The following SRGAP1 variants were observed in gnomAD, a reference collection of about 807,000 sequenced individuals.
SRGAP1 encodes SLIT-ROBO Rho GTPase-activating protein 1.
SRGAP1 carries 43 observed loss-of-function variants against 121.9 expected under a neutral mutation model. The ratio of observed to expected loss-of-function variants is 0.35; its 90% CI spans 0.28 to 0.46. SRGAP1 has a LOEUF of 0.46. SRGAP1 is among the 20% of genes least tolerant of loss of function. SRGAP1 has a pLI of 1.00. For missense variants in SRGAP1, 1,102 were observed against 1,350.9 expected, an observed-to-expected ratio of 0.82 and a Z score of 2.89; for synonymous variants, 447 against 485.4, an observed-to-expected ratio of 0.92 and a Z score of 1.04.
chr12:64,109,384 C>T (rs953233861), intron 16 of SRGAP1, among the ~76,000 whole-genome samples: 2 of 152,064 alleles, frequency 1.3e-5, no homozygotes, highest in African/African-American at 4.8e-5. Context: ...ACTGGCTGTT[C>T]ATTGCGGAAA....
chr12:63,944,694 A>G (rs2031985069), intron 1 of SRGAP1, among the ~76,000 whole-genome samples: 1 of 152,234 alleles, frequency 6.6e-6, no homozygotes, highest in African/African-American at 2.4e-5. Flanking sequence ...GCCACTGGAC[A>G]TACAGCTGAG....
intron 1 of SRGAP1, among the ~76,000 whole-genome samples, chr12:63,882,438 C>T (rs181390806): frequency 5.9e-5 from 9 of 152,152 alleles, no homozygotes; most frequent in East Asian, 1.9e-4. Context: ...ACCGCAACCA[C>T]GCCTGGCTAA....
At chr12:64,066,640 T>C (rs1182911571) in intron 8 of SRGAP1, among the ~76,000 whole-genome samples, 3 of 152,194 alleles carry the variant, frequency 2.0e-5, no homozygotes, top group Non-Finnish European at 4.4e-5. Flanking sequence ...TCAAAACCCA[T>C]TGTAATTTTT....
intron 1 of SRGAP1, among the ~76,000 whole-genome samples, chr12:63,876,016 G>A (rs1279575305): frequency 1.3e-5 from 2 of 152,200 alleles, no homozygotes. Context: ...TAACTTAAAT[G>A]TAGCAGAGGA....
chr12:64,142,871 TG>T lies in SRGAP1; in HGVS notation c.*201del. ...GTATTTTGTAATTTTTTTAAATAAC[TG>T]GACATATGTCATTTTAAGGACAATA... On this transcript the variant is annotated 3_prime_UTR_variant, in exon 22 of 22. Transcript: ENST00000355086. 1 of 680,722 alleles carries T rather than the reference TG, an allele frequency of 1.5e-6. No individual in the cohort carries two copies. The highest frequency in any genetic ancestry group is 2.4e-6 in the Non-Finnish European group (1 of 415,758). The allele number at this position is 680,722 out of a possible 1,614,324, so 42.2% of individuals were successfully genotyped here.
In SRGAP1 at chr12:64,111,793, G is replaced by A; in HGVS notation, c.1951G>A (p.Asp651Asn). Reference sequence around the variant, plus strand: ...ACAGTACAGCGATGAGAATATGATGGACCCTTATAACCTGGCCATTTGCTT... The same window carrying A: ...ACAGTACAGCGATGAGAATATGATGAACCCTTATAACCTGGCCATTTGCTT... Reference protein sequence around the residue: ...LSQYSDENMMDPYNLAICFGP... With the variant: ...LSQYSDENMMNPYNLAICFGP... Residue 651 changes from aspartate (D) to asparagine (N), a missense_variant, in exon 17 of 22, where the codon GAC (aspartate) becomes AAC (asparagine). Physicochemically the swap from Asp to Asn is conservative, Grantham distance 23. Transcript: ENST00000355086. 1.9e-6 allele frequency: 3 copies of A among 1,613,420 alleles called. No homozygotes were observed. Among genetic ancestry groups the A allele is most frequent in the African/African-American group, 2.7e-5 (2 of 74,894 alleles).
In SRGAP1 at chr12:63,986,493, G is replaced by A. The variant is rs1421994269; in HGVS notation, c.263+2351G>A. On this transcript the variant is annotated intron_variant, in intron 2 of 21. Coordinates refer to ENST00000355086, the MANE Select transcript of SRGAP1 (RefSeq NM_020762.4). ...GGCTGGAGTGCAGTGGTGCAATCTC[G>A]GCTCACTGCAACCTCCTCCTCCCAT... Among the ~76,000 whole-genome samples the A allele has an allele frequency of 2.6e-5, 4 of 151,092 alleles. No homozygotes were observed. In the South Asian group the frequency reaches 6.3e-4, roughly 24 times the overall value.
intron 6 of SRGAP1, among the ~76,000 whole-genome samples, chr12:64,049,533 A>G (rs1019497966): frequency 3.9e-5 from 6 of 152,214 alleles, no homozygotes; most frequent in Admixed American, 2.0e-4. Flanking sequence ...GCATGAGGGT[A>G]ATTGTCCCCA....
At chr12:64,095,105 C>T (rs781084581) in intron 13 of SRGAP1, 22 bp from the exon 14 acceptor site, 1 of 1,613,318 alleles carries the variant, frequency 6.2e-7, no homozygotes, top group South Asian at 1.1e-5. Context: ...GTTTTATCCT[C>T]TTTCCCTTCT....
chr12:63,872,159 T>G, intron 1 of SRGAP1: 1 of 377,614 alleles, frequency 2.6e-6, no homozygotes. Flanking sequence ...AACATTTCGT[T>G]ATGTTTCATG....
At chr12:64,084,630 CA>C (rs1034426340) in intron 10 of SRGAP1, among the ~76,000 whole-genome samples, 1 of 152,132 alleles carries the variant, frequency 6.6e-6, no homozygotes. Context: ...GTTCATTATT[CA>C]AAATGTATCT....
intron 1 of SRGAP1, among the ~76,000 whole-genome samples, chr12:63,976,759 C>G (rs548150482): frequency 6.6e-6 from 1 of 151,938 alleles, no homozygotes; most frequent in East Asian, 1.9e-4. Flanking sequence ...AATGAAATTC[C>G]GAGAGGTTGA....
intron 1 of SRGAP1, chr12:63,871,738 T>C: frequency 9.6e-7 from 1 of 1,038,674 alleles, no homozygotes; most frequent in Non-Finnish European, 1.5e-6. Context: ...TATTCCAAAG[T>C]TTAGAACTGG....
Position 64,144,800 on chromosome 12 carries a change from T to A in SRGAP1, c.*2128T>A, listed in dbSNP as rs1565701388. ...GCCCTTTTAAACAATCCTCACAAATTCCTTAGGAATTTAAACTTTCCAAAA... is the reference window on the plus strand; with the variant it reads ...GCCCTTTTAAACAATCCTCACAAATACCTTAGGAATTTAAACTTTCCAAAA... On this transcript the variant is annotated 3_prime_UTR_variant, in exon 22 of 22. Coordinates refer to ENST00000355086, the MANE Select transcript of SRGAP1 (RefSeq NM_020762.4). 1.3e-5 allele frequency: 2 copies of A among 151,174 alleles called. No homozygotes were observed. The highest frequency in any genetic ancestry group is 2.9e-5 in the Non-Finnish European group (2 of 68,042). The allele number at this position is 151,174 out of a possible 1,614,324, so 9.4% of individuals were successfully genotyped here.
At chr12:63,901,893 T>G (rs2029949786) in intron 1 of SRGAP1, among the ~76,000 whole-genome samples, 1 of 152,250 alleles carries the variant, frequency 6.6e-6, no homozygotes, top group South Asian at 2.1e-4. Flanking sequence ...ACATCATCTT[T>G]ATGCAATAAG....
chr12:63,863,267 TTTTTTTTTC>T (rs1474609966), intron 1 of SRGAP1, among the ~76,000 whole-genome samples: 3 of 143,154 alleles, frequency 2.1e-5, no homozygotes, highest in East Asian at 2.3e-4. Flanking sequence ...AAGGTTGCTC[TTTTTTTTTC>T]TTTTTTTTTT....
chr12:63,867,266 A>C (rs1565927168), intron 1 of SRGAP1, among the ~76,000 whole-genome samples: 1 of 152,236 alleles, frequency 6.6e-6, no homozygotes. Context: ...TGAAATGAAC[A>C]GTTTGCTGAC....
At chr12:63,880,885 A>G (rs1156328339) in intron 1 of SRGAP1, among the ~76,000 whole-genome samples, 2 of 152,146 alleles carry the variant, frequency 1.3e-5, no homozygotes, top group South Asian at 2.1e-4. Context: ...GTGTGAATGA[A>G]TGAGCGGATG....
chr12:64,137,268 CA>C (rs60729208), intron 21 of SRGAP1, among the ~76,000 whole-genome samples: 1,960 of 118,790 alleles, frequency 0.016, 19 homozygotes, highest in Middle Eastern at 0.051. Context: ...GACTCCGTCT[CA>C]AAAAAAAAAA....
Sources: allele counts gnomAD v4.1 joint callset (sites outside exome capture counted in the v4.1 genomes callset), GRCh38; gene constraint gnomAD v4.1.1; transcripts MANE v1.5; gene names NCBI Gene and HGNC (gene_info 2026-07-23, HGNC 2026-07-21).